The following XPO7 variants were observed in gnomAD, a reference collection of about 807,000 sequenced individuals.
The protein encoded by XPO7 is exportin-7.
Under a neutral mutation model 144.3 loss-of-function variants are expected in XPO7, and 21 were observed. The ratio of observed to expected loss-of-function variants is 0.15; its 90% confidence interval spans 0.10 to 0.21. The LOEUF (loss-of-function observed/expected upper bound fraction) is 0.21, where lower values mean the gene tolerates loss of function less well. Among genes scored for constraint, XPO7 ranks in the 10% least tolerant of loss-of-function variants. The probability of loss-of-function intolerance (pLI) is 1.00; values close to 1 mark genes in which losing one functional copy is unlikely to be tolerated. For synonymous variants in XPO7, 580 were observed against 499.6 expected, an observed-to-expected ratio of 1.16 and a Z score of -2.15; for missense variants, 808 against 1,325.8, an observed-to-expected ratio of 0.61 and a Z score of 6.06.
chr8:21,972,303 C>T (rs747660977), intron 5 of XPO7, among the ~76,000 whole-genome samples: 2 of 152,034 alleles, frequency 1.3e-5, no homozygotes, highest in Non-Finnish European at 2.9e-5. Flanking sequence ...CATGTTGAAA[C>T]CCTGTTTCTA....
chr8:22,003,649 A>T (rs180842310), intron 26 of XPO7, among the ~76,000 whole-genome samples: 1 of 152,334 alleles, frequency 6.6e-6, no homozygotes, highest in Admixed American at 6.5e-5. Flanking sequence ...AAGTCTTGAG[A>T]TTCTGGTAAA....
intron 23 of XPO7, 77 bp downstream of exon 23, chr8:21,999,382 A>T: frequency 6.3e-7 from 1 of 1,586,706 alleles, no homozygotes; most frequent in Non-Finnish European, 8.6e-7. Flanking sequence ...AAGATTGAAC[A>T]CTGCTCTTGA....
At chr8:21,987,878 C>T (rs1585472055) in intron 15 of XPO7, 21 bp downstream of exon 15, 1 of 1,612,176 alleles carries the variant, frequency 6.2e-7, no homozygotes, top group Non-Finnish European at 8.5e-7. Flanking sequence ...CAGCTTGCCA[C>T]CAGCAAGAGT....
intron 1 of XPO7, among the ~76,000 whole-genome samples, chr8:21,925,299 G>C (rs958783486): frequency 6.6e-6 from 1 of 152,150 alleles, no homozygotes; most frequent in Non-Finnish European, 1.5e-5. Context: ...ATGTGTGCAT[G>C]CACACAAGGA....
intron 1 of XPO7, among the ~76,000 whole-genome samples, chr8:21,945,652 G>T (rs1811168163): frequency 6.6e-6 from 1 of 152,170 alleles, no homozygotes; most frequent in Non-Finnish European, 1.5e-5. Flanking sequence ...TAAATACATA[G>T]TCGGCCTTAC....
intron 2 of XPO7, among the ~76,000 whole-genome samples, chr8:21,969,149 T>A (rs1811973514): frequency 6.6e-6 from 1 of 152,184 alleles, no homozygotes; most frequent in Admixed American, 6.5e-5. Context: ...ATTTCTTGGT[T>A]TAAATGAGGG....
chr8:21,937,201 A>G (rs895686425), intron 1 of XPO7, among the ~76,000 whole-genome samples: 1 of 152,244 alleles, frequency 6.6e-6, no homozygotes, highest in Admixed American at 6.5e-5. Flanking sequence ...TATGACCACC[A>G]TAGAGCATAC....
At position 21,927,558 on chromosome 8, in the gene XPO7, T is replaced by TC. The variant is rs1491528680; in HGVS notation, c.18+7770_18+7771insC. 6.3e-3 allele frequency among the ~76,000 whole-genome samples: 876 copies of TC among 139,050 alleles called. 6 individuals carry two copies. Among genetic ancestry groups the TC allele is most frequent in the South Asian group, 0.021 (94 of 4,552 alleles). The allele number at this position is 139,050 out of a possible 152,430, so 91.2% of individuals were successfully genotyped here. A position where few individuals can be genotyped will look rare whatever the true frequency, so the allele number is the denominator to read the frequency against. ...CCAACCTTTTTTTTTTTTTTTTTTT[T>TC]TCTTAAGATGGAGTTTTGCTCTTGT... On this transcript the variant is annotated intron_variant, in intron 1 of 27. Transcript: ENST00000252512.
Position 21,982,806 on chromosome 8 carries a change from T to A in XPO7, c.1271T>A (p.Ile424Lys). The A allele has an allele frequency of 6.2e-7, 1 of 1,601,310 alleles. No homozygotes were observed. The highest frequency in any genetic ancestry group is 8.5e-7 in the Non-Finnish European group (1 of 1,175,994). Reference sequence around the variant, plus strand: ...TCCCGGTTGGAATCTGTGCACATCATACTGAGGTAAGGAAACTTAGCCTCA... The same window carrying A: ...TCCCGGTTGGAATCTGTGCACATCAAACTGAGGTAAGGAAACTTAGCCTCA... ...ITSRLESVHI[I>K]LRDGLEDPLE... The change falls in exon 11 of 28, where the codon ATA (isoleucine) becomes AAA (lysine). Residue 424 changes from isoleucine to lysine, a missense_variant. Around this residue, in one of 5 missense-constraint regions of XPO7, gnomAD observed 416 missense variants for 612.5 expected, o/e 0.68. Transcript: ENST00000252512.
Position 22,006,421 on chromosome 8 carries a change from CCTCTA to C in XPO7, c.*1335_*1339del, listed in dbSNP as rs1482547369. The C allele has an allele frequency of 6.6e-6, 1 of 152,148 alleles. No homozygotes were observed. The highest frequency in any genetic ancestry group is 1.9e-4 in the East Asian group (1 of 5,204). The allele number at this position is 152,148 out of a possible 1,614,324, so 9.4% of individuals were successfully genotyped here. The stretch of plus-strand genomic sequence containing the variant: ...AATTAGGTTTTATTTTTATTTCTTT[CCTCTA>C]CCCCCAGAAACAAGCCTGTTAATTT... On this transcript the variant is annotated 3_prime_UTR_variant, in exon 28 of 28. Transcript: ENST00000252512.
At chr8:21,963,473 A>G (rs1811789423) in intron 1 of XPO7, among the ~76,000 whole-genome samples, 1 of 152,174 alleles carries the variant, frequency 6.6e-6, no homozygotes, top group African/African-American at 2.4e-5. Context: ...AGCCAGGCAA[A>G]TCATGAGGTC....
chr8:21,979,397 CTT>C (rs571937098), intron 8 of XPO7, among the ~76,000 whole-genome samples: 1 of 132,588 alleles, frequency 7.5e-6, no homozygotes, highest in Non-Finnish European at 1.6e-5. Flanking sequence ...TTTTTTTTTT[CTT>C]TTTTTTTTTC....
In XPO7 at chr8:22,005,737, A is replaced by T. The variant is rs1021729101; in HGVS notation, c.*649A>T. ...ACTGTATTAACCCTTGTTATTAGGAACTCTAAGCCATGCCAGAACACCGTC... is the reference window on the plus strand; with the variant it reads ...ACTGTATTAACCCTTGTTATTAGGATCTCTAAGCCATGCCAGAACACCGTC... On this transcript the variant is annotated 3_prime_UTR_variant, in exon 28 of 28. Transcript: ENST00000252512. 11 of 152,060 alleles carry T rather than the reference A, an allele frequency of 7.2e-5. No homozygotes were observed. Among genetic ancestry groups the T allele is most frequent in the Admixed American group, 2.0e-4 (3 of 15,256 alleles). The allele number at this position is 152,060 out of a possible 1,614,324, so 9.4% of individuals were successfully genotyped here. A position where few individuals can be genotyped will look rare whatever the true frequency, so the allele number is the denominator to read the frequency against.
intron 9 of XPO7, among the ~76,000 whole-genome samples, chr8:21,981,029 C>T (rs937784139): frequency 2.6e-5 from 4 of 152,166 alleles, no homozygotes; most frequent in African/African-American, 9.6e-5. Flanking sequence ...TCAGTTTTGT[C>T]CCTCTTTTTA....
At chr8:21,969,663 A>G (rs1033176120) in intron 3 of XPO7, 87 bp downstream of exon 3, 52 of 1,227,976 alleles carry the variant, frequency 4.2e-5, no homozygotes, top group South Asian at 4.1e-4. Flanking sequence ...TGTTTGTTCA[A>G]TGATATGCTG....
At chr8:21,931,946 C>G (rs1056826732) in intron 1 of XPO7, among the ~76,000 whole-genome samples, 13 of 152,202 alleles carry the variant, frequency 8.5e-5, no homozygotes, top group Non-Finnish European at 1.3e-4. Flanking sequence ...GGTCTTGGCT[C>G]ATTGCAACCT....
intron 1 of XPO7, among the ~76,000 whole-genome samples, chr8:21,960,488 A>G (rs561638130): frequency 1.3e-4 from 20 of 152,338 alleles, no homozygotes; most frequent in African/African-American, 4.8e-4. Flanking sequence ...TCATGAAATA[A>G]TTTGTTTGCA....
At chr8:21,923,979 A>G (rs1229225826) in intron 1 of XPO7, among the ~76,000 whole-genome samples, 2 of 152,204 alleles carry the variant, frequency 1.3e-5, no homozygotes, top group African/African-American at 4.8e-5. Context: ...TCTCAGGGTT[A>G]GGAATCTGGG....
intron 5 of XPO7, among the ~76,000 whole-genome samples, 191 bp downstream of exon 5, chr8:21,972,132 G>T (rs1424939883): frequency 6.6e-6 from 1 of 150,502 alleles, no homozygotes; most frequent in African/African-American, 2.4e-5. Context: ...TTTTTGTCCT[G>T]TTCCCTTTCT....
Sources: allele counts gnomAD v4.1 joint callset (sites outside exome capture counted in the v4.1 genomes callset), GRCh38; gene constraint gnomAD v4.1.1; regional missense constraint gnomAD v4.1.1; transcripts MANE v1.5; gene names NCBI Gene and HGNC (gene_info 2026-07-23, HGNC 2026-07-21).